Variants in AGBL4 observed in about 807,000 individuals in gnomAD.
AGBL4 encodes the protein AGBL carboxypeptidase 4.
A neutral mutation model predicts 66.4 loss-of-function variants in AGBL4; 58 were observed. That is an observed-to-expected ratio of 0.87 (90% CI 0.71 to 1.09). AGBL4 has a LOEUF of 1.09. AGBL4 is among the 50% of genes least tolerant of loss of function. The pLI is 0.00. For synonymous variants in AGBL4, 234 were observed against 222.9 expected (o/e 1.05, Z -0.44); for missense variants, 579 against 631.0 (o/e 0.92, Z 0.88).
chr1:48,919,247 T>C (rs1047864069), intron 5 of AGBL4, among the ~76,000 whole-genome samples: 1 of 152,122 alleles, frequency 6.6e-6, no homozygotes, highest in Non-Finnish European at 1.5e-5. Flanking sequence ...AAAATTACAT[T>C]CAAAGCCCAT....
intron 6 of AGBL4, among the ~76,000 whole-genome samples, chr1:48,686,149 C>T (rs1347250537): frequency 1.3e-5 from 2 of 152,196 alleles, no homozygotes; most frequent in Non-Finnish European, 2.9e-5. Context: ...GTTAATAACA[C>T]AGCCAGGATC....
chr1:48,953,273 C>T (rs78629505), intron 5 of AGBL4, among the ~76,000 whole-genome samples: 1 of 152,194 alleles, frequency 6.6e-6, no homozygotes, highest in Non-Finnish European at 1.5e-5. Context: ...ATCCCCATCA[C>T]TAAGTACCAG....
chr1:49,123,492 A>G (rs1252071546), intron 4 of AGBL4, among the ~76,000 whole-genome samples: 1 of 152,212 alleles, frequency 6.6e-6, no homozygotes, highest in African/African-American at 2.4e-5. Context: ...TTATCTTTGA[A>G]TCAAGCCAAG....
In AGBL4 at chr1:48,759,265, G is replaced by T. The variant is rs748438575; in HGVS notation, c.635-96024C>A. The T allele has an allele frequency of 5.0e-5, 78 of 1,561,442 alleles. No homozygotes were observed. Among genetic ancestry groups the T allele is most frequent in the Middle Eastern group, 3.3e-4 (2 of 6,012 alleles). On this transcript the variant is annotated intron_variant, in intron 6 of 13. Coordinates refer to ENST00000371839, the MANE Select transcript of AGBL4 (RefSeq NM_032785.4). ...GATGCTCTTGTGCGCCACTTCGCTCGGCTTCCGCCCCTCAGGTCTCTGTGT... is the reference window on the plus strand; with the variant it reads ...GATGCTCTTGTGCGCCACTTCGCTCTGCTTCCGCCCCTCAGGTCTCTGTGT...
chr1:49,040,849 A>C (rs1424529539), intron 5 of AGBL4, among the ~76,000 whole-genome samples: 1 of 152,142 alleles, frequency 6.6e-6, no homozygotes, highest in African/African-American at 2.4e-5. Flanking sequence ...GGTAATAGTT[A>C]CACAACTCTA....
intron 5 of AGBL4, among the ~76,000 whole-genome samples, chr1:48,930,255 G>C (rs1240678657): frequency 2.0e-5 from 3 of 151,900 alleles, no homozygotes; most frequent in Non-Finnish European, 4.4e-5. Flanking sequence ...GCTTCTGCTT[G>C]GCACGCTCTG....
chr1:49,255,340 T>A lies in AGBL4; in HGVS notation c.283-9476A>T, dbSNP rs544948652. Among the ~76,000 whole-genome samples, 41 of 152,038 alleles carry A rather than the reference T, an allele frequency of 2.7e-4. No homozygotes were observed. In the Middle Eastern group the frequency reaches 0.01, roughly 38 times the overall value. On this transcript the variant is annotated intron_variant, in intron 3 of 13. Coordinates refer to ENST00000371839, the MANE Select transcript of AGBL4 (RefSeq NM_032785.4). ...TTACAAGAAAAAACAAACAACCCCA[T>A]TAAAAAGCGGGCAAAAGACAAGATT...
At chr1:49,337,496 A>G (rs902359224) in intron 3 of AGBL4, among the ~76,000 whole-genome samples, 8 of 152,222 alleles carry the variant, frequency 5.3e-5, no homozygotes, top group Non-Finnish European at 1.2e-4. Context: ...ATTGTCAGTT[A>G]ACAGATGGGA....
At chr1:49,111,115 T>A (rs866785848) in intron 4 of AGBL4, among the ~76,000 whole-genome samples, 771 of 3,658 alleles carry the variant, frequency 0.21, 6 homozygotes, top group Middle Eastern at 0.5. Context: ...TTCGTTGAAT[T>A]TTTTTTTTTT....
intron 6 of AGBL4, among the ~76,000 whole-genome samples, chr1:48,769,459 A>G (rs973845047): frequency 6.6e-6 from 1 of 151,070 alleles, no homozygotes; most frequent in Non-Finnish European, 1.5e-5. Flanking sequence ...GTCGCAGAGG[A>G]ACAAACAGGG....
chr1:48,927,961 C>A (rs1654730176), intron 5 of AGBL4, among the ~76,000 whole-genome samples: 1 of 152,180 alleles, frequency 6.6e-6, no homozygotes, highest in Non-Finnish European at 1.5e-5. Flanking sequence ...CAGAATGCTA[C>A]CCCAGTTGGT....
intron 1 of AGBL4, among the ~76,000 whole-genome samples, chr1:49,998,711 A>G (rs2148415246): frequency 6.6e-6 from 1 of 152,348 alleles, no homozygotes; most frequent in Non-Finnish European, 1.5e-5. Context: ...TGATTTCAAC[A>G]ACATATCAAA....
chr1:49,670,019 A>G (rs1646446285), intron 3 of AGBL4, among the ~76,000 whole-genome samples: 1 of 152,152 alleles, frequency 6.6e-6, no homozygotes. Flanking sequence ...CTACAAAGAG[A>G]TTTCAGAATA....
Position 49,697,394 on chromosome 1 carries a change from A to G in AGBL4, c.201T>C (p.Asp67=), listed in dbSNP as rs1317736639. 6.5e-7 allele frequency: 1 copy of G among 1,540,990 alleles called. No homozygotes were observed. Among genetic ancestry groups the G allele is most frequent in the Non-Finnish European group, 8.8e-7 (1 of 1,138,570 alleles). The change falls in exon 3 of 14, where the codon GAT becomes GAC. Residue 67 remains aspartate, a synonymous_variant. Coordinates refer to ENST00000371839, the MANE Select transcript of AGBL4 (RefSeq NM_032785.4). The stretch of plus-strand genomic sequence containing the variant: ...TACAGGTGTCCGGCCTAATGAACAG[A>G]TCATACTCAAACTCAGAGACCTGGT... ...RVDQVSEFEY[D]LFIRPDTCNP...
intron 6 of AGBL4, among the ~76,000 whole-genome samples, chr1:48,766,748 C>T (rs2148677474): frequency 6.6e-6 from 1 of 152,328 alleles, no homozygotes. Flanking sequence ...CACCTCCTGG[C>T]TCCATCCTAA....
intron 3 of AGBL4, among the ~76,000 whole-genome samples, chr1:49,558,818 T>A (rs1268419248): frequency 1.3e-5 from 2 of 152,128 alleles, no homozygotes; most frequent in Admixed American, 1.3e-4. Flanking sequence ...CTCTCCATAG[T>A]CTGTGGTGGC....
rs55889870 is a variant in AGBL4 at position 48,897,806 on chromosome 1, CTTTTT to C, written c.595-30581_595-30577del. 7.7e-3 allele frequency among the ~76,000 whole-genome samples: 984 copies of C among 127,790 alleles called. 12 individuals are homozygous for C. Among genetic ancestry groups the C allele is most frequent in the Middle Eastern group, 0.017 (4 of 238 alleles). The allele number at this position is 127,790 out of a possible 152,430, so 83.8% of individuals were successfully genotyped here. ...AATGTCTGTTCGGATCTTTTGCCCA[CTTTTT>C]TTTTTTTTTTTTTTTTTAAGACGGA... is the stretch of plus-strand genomic sequence containing the variant. On this transcript the variant is annotated intron_variant, in intron 5 of 13. Coordinates refer to ENST00000371839, the MANE Select transcript of AGBL4 (RefSeq NM_032785.4).
At chr1:49,722,045 C>A (rs1364373991) in intron 2 of AGBL4, among the ~76,000 whole-genome samples, 2 of 152,042 alleles carry the variant, frequency 1.3e-5, no homozygotes, top group East Asian at 3.9e-4. Context: ...TTAAAAGAAG[C>A]AAATGAAATT....
At chr1:48,862,639 T>C (rs1041424781) in intron 6 of AGBL4, among the ~76,000 whole-genome samples, 2 of 152,202 alleles carry the variant, frequency 1.3e-5, no homozygotes, top group Non-Finnish European at 2.9e-5. Flanking sequence ...ACTTTCTTTA[T>C]ACCAGACTTC....
Sources: gnomAD v4.1 joint callset for allele counts (sites outside exome capture counted in the v4.1 genomes callset) on GRCh38, gnomAD v4.1.1 for gene constraint, MANE v1.5 for transcripts, NCBI Gene and HGNC (gene_info 2026-07-23, HGNC 2026-07-21) for gene names.